The following KIF7 variants were observed in gnomAD, a reference collection of about 807,000 sequenced individuals.
KIF7 encodes the protein kinesin-like protein KIF7.
A neutral mutation model predicts 135.7 loss-of-function variants in KIF7; 104 were observed. The observed-to-expected ratio is 0.77, with a 90% confidence interval of 0.65 to 0.90. KIF7 has a LOEUF of 0.90. KIF7 is among the 40% of genes least tolerant of loss of function. The pLI is 0.00. For missense variants in KIF7, 2,005 were observed against 1,839.1 expected (o/e 1.09, Z -1.65); for synonymous variants, 883 against 809.4 (o/e 1.09, Z -1.54).
Position 89,631,622 on chromosome 15 carries a change from C to G in KIF7, c.2984G>C (p.Gly995Ala). Residue 995 changes from glycine to alanine, a missense_variant, in exon 15 of 19, where the codon GGC (glycine) becomes GCC (alanine). Gly to Ala is a moderately conservative substitution (Grantham distance 60). Coordinates refer to ENST00000394412, the MANE Select transcript of KIF7 (RefSeq NM_198525.3). ...GATCTGCTGCTGGCTCTGGGCGCTG[C>G]CCTGCCGCAGCTGCCCGCTCTTCTC... ...LSEKSGQLRQGSAQSQQQIRG... is the reference protein window; with the variant it reads ...LSEKSGQLRQASAQSQQQIRG... 3 of 1,561,762 alleles carry G rather than the reference C, an allele frequency of 1.9e-6. No individual in the cohort carries two copies. The highest frequency in any genetic ancestry group is 2.6e-6 in the Non-Finnish European group (3 of 1,152,116).
At chr15:89,656,814 A>G (rs1185815648), upstream of KIF7, among the ~76,000 whole-genome samples, 1 of 152,218 alleles carries the variant, frequency 6.6e-6, no homozygotes, top group African/African-American at 2.4e-5. Context: ...ATGCTGTAGA[A>G]TGACACTGTT....
Position 89,622,065 on chromosome 15 carries a change from C to T in KIF7, c.181-3870G>A, listed in dbSNP as rs565356154. ...GCAGTGGCACGATCTCAGCTCACTG[C>T]AACCTCTGCCTCCCAGTTCAAGCGA... On this transcript the variant is annotated intron_variant and NMD_transcript_variant, in intron 1 of 2. Transcript: ENST00000558928. 5.4e-5 allele frequency among the ~76,000 whole-genome samples: 8 copies of T among 148,568 alleles called. No homozygotes were observed. The South Asian group carries it at 1.5e-3, about 28-fold the overall frequency.
chr15:89,625,429 G>A (rs376690498), downstream of KIF7: 29 of 1,613,890 alleles, frequency 1.8e-5, no homozygotes, highest in Non-Finnish European at 2.1e-5. Context: ...CGAGGTCGGT[G>A]CAGACCTTCC....
At chr15:89,657,123 T>C (rs1166727165), upstream of KIF7, among the ~76,000 whole-genome samples, 1 of 151,976 alleles carries the variant, frequency 6.6e-6, no homozygotes, top group Non-Finnish European at 1.5e-5. Flanking sequence ...ACCTGGGCAA[T>C]AGGGCAAAGC....
downstream of KIF7, chr15:89,626,058 A>G (rs1963519168): frequency 6.2e-7 from 1 of 1,613,686 alleles, no homozygotes; most frequent in African/African-American, 1.3e-5. Context: ...CAAAGACCCC[A>G]GAGGTAATGT....
intron 8 of KIF7, 59 bp from the exon 9 acceptor site, chr15:89,645,510 C>T: frequency 2.2e-6 from 3 of 1,380,964 alleles, no homozygotes; most frequent in Non-Finnish European, 3.0e-6. Flanking sequence ...GCCTAGCCAC[C>T]CCCAGGCCTG....
chr15:89,631,400 C>T (rs2141997667), intron 15 of KIF7, 95 bp downstream of exon 15: 3 of 1,177,872 alleles, frequency 2.5e-6, no homozygotes, highest in Middle Eastern at 2.9e-4. Context: ...ACAGCAAGGC[C>T]CAGCACCCGC....
rs564940118 is a variant in KIF7 at position 89,645,590 on chromosome 15, C to A, written c.1923-139G>T. The A allele has an allele frequency of 5.0e-5, 40 of 795,588 alleles. No individual in the cohort carries two copies. In the South Asian group the frequency reaches 5.2e-4, roughly 10 times the overall value. 49.3% of individuals were successfully genotyped at this position (795,588 alleles called of 1,614,324 possible). ...ATATAAACCCAGGATGTGAGTCTGG[C>A]AGAATCAGGAGTCCAGGGGCAGAGT... On this transcript the variant is annotated intron_variant, in intron 8 of 18. Coordinates refer to ENST00000394412, the MANE Select transcript of KIF7 (RefSeq NM_198525.3).
chr15:89,642,241 ACTC>A lies in KIF7; in HGVS notation c.2353_2355del (p.Glu785del). The A allele has an allele frequency of 6.2e-7, 1 of 1,610,144 alleles. No individual in the cohort carries two copies. ...TGGGCCGCAGCGACCCTCCTGCGGA[ACTC>A]CTGGAGCCGAGACCGCTCGCCAGCA... On this transcript the variant is annotated inframe_deletion, in exon 11 of 19. Coordinates refer to ENST00000394412, the MANE Select transcript of KIF7 (RefSeq NM_198525.3).
chr15:89,629,171 A>G (rs2141993024), intron 17 of KIF7, 49 bp from the exon 18 acceptor site: 3 of 1,268,966 alleles, frequency 2.4e-6, no homozygotes, highest in Non-Finnish European at 3.1e-6. Flanking sequence ...CAGGCGGGGC[A>G]GGCGGCCAGG....
intron 4 of KIF7, 77 bp from the exon 5 acceptor site, chr15:89,648,851 C>A: frequency 1.4e-6 from 2 of 1,471,180 alleles, no homozygotes; most frequent in Non-Finnish European, 1.8e-6. Context: ...CTGGGACCGG[C>A]TCCTGGCGCG....
Position 89,648,274 on chromosome 15 carries a change from T to C in KIF7, c.1424A>G (p.Gln475Arg). 1 of 1,518,426 alleles carries C rather than the reference T, an allele frequency of 6.6e-7. No individual in the cohort carries two copies. The highest frequency in any genetic ancestry group is 8.8e-7 in the Non-Finnish European group (1 of 1,136,298). 94.1% of individuals were successfully genotyped at this position (1,518,426 alleles called of 1,614,324 possible). A position where few individuals can be genotyped will look rare whatever the true frequency, so the allele number is the denominator to read the frequency against. Residue 475 changes from glutamine (Q) to arginine (R), a missense_variant, in exon 5 of 19, where the codon CAG becomes CGG. By Grantham distance (43) the Gln-to-Arg change is conservative. Transcript: ENST00000394412. ...GGCCACCTTTCGCCCGCCGGCCCCCTGCGCCGCCTGGTCCTCGACGGAGGC... is the reference window on the plus strand; with the variant it reads ...GGCCACCTTTCGCCCGCCGGCCCCCCGCGCCGCCTGGTCCTCGACGGAGGC... ...ESASVEDQAA[Q>R]GAGGRKEDEG...
intron 1 of KIF7, among the ~76,000 whole-genome samples, chr15:89,620,661 T>G (rs938386931): frequency 6.6e-6 from 1 of 152,124 alleles, no homozygotes; most frequent in African/African-American, 2.4e-5. Context: ...CCCGAGTTGC[T>G]CTCAAAAATT....
chr15:89,628,617 T>C lies in KIF7; in HGVS notation c.3834A>G (p.Lys1278=), dbSNP rs1242911858. The C allele has an allele frequency of 1.1e-5, 18 of 1,613,278 alleles. No individual in the cohort carries two copies. The highest frequency in any genetic ancestry group is 1.5e-5 in the Non-Finnish European group (18 of 1,179,980). ...GCTCCTCACCACACAGGCTCGAGCG[T>C]TTCCAGGTCAAGGGTAACGGAGCGT... The part of the protein sequence containing the change: ...LVHAPLPLTW[K]RSSLCGEEQG... The change falls in exon 19 of 19, where the codon AAA becomes AAG. Residue 1278 remains lysine (K), a synonymous_variant. Coordinates refer to ENST00000394412, the MANE Select transcript of KIF7 (RefSeq NM_198525.3).
At chr15:89,642,731 G>C (rs1263886538) in intron 10 of KIF7, among the ~76,000 whole-genome samples, 1 of 152,060 alleles carries the variant, frequency 6.6e-6, no homozygotes, top group East Asian at 1.9e-4. Context: ...CACTACACCT[G>C]GCTAATTTTG....
At position 89,645,741 on chromosome 15, in the gene KIF7, C is replaced by T. The variant is rs191383782; in HGVS notation, c.1922+152G>A. ...TTTCGGCTCAGTGCCCCACAGCTCT[C>T]CCCCAGGGGCTGGCCAGGGCAACAT... On this transcript the variant is annotated intron_variant, in intron 8 of 18. Coordinates refer to ENST00000394412, the MANE Select transcript of KIF7 (RefSeq NM_198525.3). 446 of 1,117,698 alleles carry T rather than the reference C, an allele frequency of 4.0e-4. No homozygotes were observed. The African/African-American group carries it at 6.4e-3, about 16-fold the overall frequency. 69.2% of individuals were successfully genotyped at this position (1,117,698 alleles called of 1,614,324 possible). A position where few individuals can be genotyped will look rare whatever the true frequency, so the allele number is the denominator to read the frequency against.
rs990762123 is a variant in KIF7 at position 89,655,393 on chromosome 15, A to G, written c.-25+6T>C. ...GCCCCTAACCCGCTCTCCGGCCCACACTCACCTGCCTGGCTGCAAGCGCCG... is the reference window on the plus strand; with the variant it reads ...GCCCCTAACCCGCTCTCCGGCCCACGCTCACCTGCCTGGCTGCAAGCGCCG... On this transcript the variant is annotated splice_donor_region_variant and intron_variant, in intron 1 of 18. Transcript: ENST00000394412. 1.3e-5 allele frequency: 2 copies of G among 151,474 alleles called. No individual in the cohort carries two copies. The highest frequency in any genetic ancestry group is 2.9e-5 in the Non-Finnish European group (2 of 67,850). The allele number at this position is 151,474 out of a possible 1,614,324, so 9.4% of individuals were successfully genotyped here.
In KIF7 at chr15:89,630,395, A is replaced by T. The variant is rs1206626317; in HGVS notation, c.3210T>A (p.Leu1070=). 3.7e-6 allele frequency: 6 copies of T among 1,613,492 alleles called. No individual in the cohort carries two copies. The highest frequency in any genetic ancestry group is 3.4e-6 in the Non-Finnish European group (4 of 1,179,762). Residue 1070 remains leucine (L), a synonymous_variant, in exon 16 of 19, where the codon CTT becomes CTA. Transcript: ENST00000394412. ...GGGACAGCAACGAGGCTGAGGCCCGAAGCACCCGCTGGCGGCATGTGATGG... is the reference window on the plus strand; with the variant it reads ...GGGACAGCAACGAGGCTGAGGCCCGTAGCACCCGCTGGCGGCATGTGATGG... ...NEAITCRQRV[L]RASASLLSQC... is the part of the protein sequence containing the mutation.
chr15:89,657,328 A>AAAAG (rs533315174), upstream of KIF7, among the ~76,000 whole-genome samples: 65,516 of 125,146 alleles, frequency 0.52, 19,220 homozygotes, highest in Non-Finnish European at 0.62. Flanking sequence ...AAAAAAAAAA[A>AAAAG]AGAGAGAGAG....
Sources: allele counts gnomAD v4.1 joint callset (sites outside exome capture counted in the v4.1 genomes callset), GRCh38; gene constraint gnomAD v4.1.1; transcripts MANE v1.5; gene names NCBI Gene and HGNC (gene_info 2026-07-23, HGNC 2026-07-21).